Variants in NAV3 observed in about 807,000 individuals in gnomAD.
NAV3 encodes pore membrane and/or filament interacting like protein 1.
In NAV3, 87 loss-of-function variants were observed where a neutral mutation model predicts 244.7. The observed-to-expected ratio is 0.36, with a 90% CI of 0.30 to 0.42. The LOEUF is 0.42. Ranked by LOEUF, NAV3 falls within the 20% of genes least tolerant of loss-of-function variation. The probability of loss-of-function intolerance (pLI) is 1.00; values close to 1 mark genes in which losing one functional copy is unlikely to be tolerated. For missense variants in NAV3, 2,663 were observed against 2,893.3 expected (o/e 0.92, Z 1.83); for synonymous variants, 1,126 against 1,042.2 (o/e 1.08, Z -1.55).
At chr12:78,032,068 C>G (rs965378802) in intron 9 of NAV3, among the ~76,000 whole-genome samples, 7 of 152,086 alleles carry the variant, frequency 4.6e-5, no homozygotes, top group Non-Finnish European at 8.8e-5. Flanking sequence ...AATAACTGAG[C>G]CCCTGAAAAA....
At chr12:77,905,915 C>G (rs1487380919) in intron 1 of NAV3, among the ~76,000 whole-genome samples, 1 of 152,104 alleles carries the variant, frequency 6.6e-6, no homozygotes, top group Non-Finnish European at 1.5e-5. Flanking sequence ...CTGCCAACTC[C>G]CATCACTTTC....
chr12:78,053,971 T>C (rs1883131612), intron 11 of NAV3, among the ~76,000 whole-genome samples: 1 of 152,186 alleles, frequency 6.6e-6, no homozygotes, highest in African/African-American at 2.4e-5. Flanking sequence ...TGTTTATCTG[T>C]AGAGTGACAG....
intron 7 of NAV3, among the ~76,000 whole-genome samples, chr12:78,004,510 G>A (rs1469644382): frequency 6.6e-6 from 1 of 152,176 alleles, no homozygotes; most frequent in East Asian, 1.9e-4. Flanking sequence ...CCCATGCTGA[G>A]ATTCATTCAT....
At chr12:77,834,827 C>A (rs7957473) in intron 1 of NAV3, among the ~76,000 whole-genome samples, 131,650 of 152,118 alleles carry the variant, frequency 0.87, 57,207 homozygotes, top group Non-Finnish European at 0.91. Context: ...GTCAGCAGTT[C>A]AGAATATTTC....
chr12:77,719,489 C>G (rs897251546), intron 2 of NAV3, among the ~76,000 whole-genome samples: 7 of 151,752 alleles, frequency 4.6e-5, no homozygotes, highest in Admixed American at 4.6e-4. Flanking sequence ...TCTTATACAC[C>G]TAGTACACTG....
intron 12 of NAV3, among the ~76,000 whole-genome samples, chr12:78,081,733 G>A (rs144621669): frequency 3.2e-4 from 49 of 152,212 alleles, no homozygotes; most frequent in African/African-American, 1.1e-3. Context: ...CTAAGGCTTT[G>A]GTTATCTTCC....
chr12:77,983,702 G>T (rs903510053), intron 5 of NAV3, among the ~76,000 whole-genome samples: 4 of 152,202 alleles, frequency 2.6e-5, no homozygotes, highest in African/African-American at 9.6e-5. Flanking sequence ...CAAAACTCTG[G>T]GGACCACAAA....
intron 1 of NAV3, among the ~76,000 whole-genome samples, chr12:77,842,593 G>A (rs969529207): frequency 6.6e-6 from 1 of 150,628 alleles, no homozygotes; most frequent in African/African-American, 2.4e-5. Flanking sequence ...TGACTGCATT[G>A]TTGTGTAAGG....
At chr12:78,146,273 TA>T in intron 20 of NAV3, 95 bp from the exon 21 acceptor site, 1 of 448,182 alleles carries the variant, frequency 2.2e-6, no homozygotes. Flanking sequence ...TAGTAGATAA[TA>T]AAAAGTACAT....
chr12:78,140,445 T>A (rs368733268), intron 20 of NAV3, 111 bp downstream of exon 20: 1 of 995,452 alleles, frequency 1.0e-6, no homozygotes, highest in Non-Finnish European at 1.6e-6. Flanking sequence ...GCACAGGAGT[T>A]GTGTAGCAAA....
chr12:78,092,522 T>C (rs169948), intron 12 of NAV3, among the ~76,000 whole-genome samples: 6,327 of 125,890 alleles, frequency 0.05, 253 homozygotes, highest in Non-Finnish European at 0.062. Context: ...TTTTTTGAGA[T>C]GGAGTCTCGC....
intron 24 of NAV3, among the ~76,000 whole-genome samples, chr12:78,169,386 T>A (rs1565753265): frequency 6.6e-6 from 1 of 151,788 alleles, no homozygotes; most frequent in Non-Finnish European, 1.5e-5. Context: ...AAGGTAGCTC[T>A]GTTTTAAATT....
At chr12:77,649,418 T>A (rs1361071377) in intron 2 of NAV3, among the ~76,000 whole-genome samples, 1 of 152,154 alleles carries the variant, frequency 6.6e-6, no homozygotes, top group Non-Finnish European at 1.5e-5. Flanking sequence ...ATTCCATTCG[T>A]TCCATTGGTA....
At chr12:77,585,487 A>G (rs938525354) in intron 2 of NAV3, among the ~76,000 whole-genome samples, 6 of 98,686 alleles carry the variant, frequency 6.1e-5, no homozygotes, top group African/African-American at 2.2e-4. Flanking sequence ...AAGAAAGGAA[A>G]AAGACAAAAA....
At chr12:77,879,538 G>A (rs1882331790) in intron 1 of NAV3, among the ~76,000 whole-genome samples, 1 of 151,744 alleles carries the variant, frequency 6.6e-6, no homozygotes, top group African/African-American at 2.4e-5. Flanking sequence ...AGCTGGGTGT[G>A]GTGGTGGACA....
intron 8 of NAV3, among the ~76,000 whole-genome samples, chr12:78,013,308 T>G (rs1416477879): frequency 6.6e-6 from 1 of 152,134 alleles, no homozygotes; most frequent in African/African-American, 2.4e-5. Context: ...AAAATGCAGC[T>G]GGAAGTGTAA....
chr12:77,706,569 A>G (rs1354896493), intron 2 of NAV3, among the ~76,000 whole-genome samples: 1 of 151,208 alleles, frequency 6.6e-6, no homozygotes, highest in African/African-American at 2.5e-5. Flanking sequence ...TGAGAGACCC[A>G]TAATTAAAAT....
intron 12 of NAV3, among the ~76,000 whole-genome samples, chr12:78,076,625 T>C (rs1261514628): frequency 6.6e-6 from 1 of 152,200 alleles, no homozygotes; most frequent in Non-Finnish European, 1.5e-5. Flanking sequence ...GATTCACTAT[T>C]AGTACTCAAT....
chr12:77,773,280 TC>T (rs1267411578), intron 2 of NAV3, among the ~76,000 whole-genome samples: 1 of 152,016 alleles, frequency 6.6e-6, no homozygotes, highest in African/African-American at 2.4e-5. Flanking sequence ...AAAAAATGTA[TC>T]GAAATGATTG....
Sources: allele counts gnomAD v4.1 joint callset (sites outside exome capture counted in the v4.1 genomes callset), GRCh38; gene constraint gnomAD v4.1.1; transcripts MANE v1.5; gene names NCBI Gene and HGNC (gene_info 2026-07-23, HGNC 2026-07-21).